The following NXPE4 variants were observed in gnomAD, a reference collection of about 807,000 sequenced individuals.
NXPE4 encodes the protein neurexophilin and PC-esterase domain family member 4, also known as NXPE family member 4.
In NXPE4, 42 loss-of-function variants were observed where a neutral mutation model predicts 33.3. The ratio of observed to expected loss-of-function variants is 1.26; its 90% CI spans 0.98 to 1.63. The LOEUF (loss-of-function observed/expected upper bound fraction) is 1.63. Among genes scored for constraint, NXPE4 ranks in the 40% most tolerant of loss-of-function variants. NXPE4 has a pLI of 0.00. For missense variants in NXPE4, 709 were observed against 647.6 expected, an observed-to-expected ratio of 1.09 and a Z score of -1.03; for synonymous variants, 253 against 234.9, an observed-to-expected ratio of 1.08 and a Z score of -0.71.
the NXPE4 span, among the ~76,000 whole-genome samples, chr11:114,672,235 A>G: frequency 6.6e-6 from 1 of 151,988 alleles, no homozygotes; most frequent in Non-Finnish European, 1.5e-5. Context: ...GAACCAAACC[A>G]TATCACACAC....
At chr11:114,642,157 A>C in the NXPE4 span, among the ~76,000 whole-genome samples, 1 of 152,022 alleles carries the variant, frequency 6.6e-6, no homozygotes, top group African/African-American at 2.4e-5. Context: ...TGAAAATTGT[A>C]ATGTGTACCC....
intron 2 of NXPE4, among the ~76,000 whole-genome samples, chr11:114,587,121 TG>T (rs1949321841): frequency 1.3e-5 from 2 of 152,162 alleles, no homozygotes; most frequent in South Asian, 4.1e-4. Flanking sequence ...TCGCTTTTTT[TG>T]CCCCTCTACA....
chr11:114,644,178 A>G, the NXPE4 span, among the ~76,000 whole-genome samples: 1 of 152,162 alleles, frequency 6.6e-6, no homozygotes, highest in Non-Finnish European at 1.5e-5. Context: ...GGTTTTCTAA[A>G]TATACAATCA....
chr11:114,604,755 C>T, the NXPE4 span, among the ~76,000 whole-genome samples: 1 of 151,694 alleles, frequency 6.6e-6, no homozygotes, highest in Non-Finnish European at 1.5e-5. Context: ...AGTATTGCCT[C>T]ATTGGTAACC....
chr11:114,672,269 A>C, the NXPE4 span, among the ~76,000 whole-genome samples: 2 of 151,968 alleles, frequency 1.3e-5, no homozygotes, highest in African/African-American at 2.4e-5. Flanking sequence ...AGAACATAAA[A>C]ACCATGAATA....
intron 3 of NXPE4, 82 bp from the exon 4 acceptor site, chr11:114,581,868 A>C: frequency 1.1e-6 from 1 of 921,630 alleles, no homozygotes; most frequent in Non-Finnish European, 1.7e-6. Context: ...CCAGTGCCTC[A>C]GTTATTTCTT....
At chr11:114,580,654 G>T (rs1429372432) in intron 4 of NXPE4, among the ~76,000 whole-genome samples, 1 of 152,104 alleles carries the variant, frequency 6.6e-6, no homozygotes, top group Non-Finnish European at 1.5e-5. Flanking sequence ...ATCAATTCTT[G>T]CATAGGAATG....
At chr11:114,616,658 C>G in the NXPE4 span, among the ~76,000 whole-genome samples, 9 of 151,588 alleles carry the variant, frequency 5.9e-5, no homozygotes, top group Non-Finnish European at 2.9e-5. Context: ...TATTGGGTAA[C>G]CACTGTTACC....
intron 2 of NXPE4, among the ~76,000 whole-genome samples, chr11:114,586,174 A>C (rs1210165863): frequency 1.3e-5 from 2 of 152,110 alleles, no homozygotes; most frequent in Non-Finnish European, 2.9e-5. Context: ...TGTGGACCAA[A>C]AGACCCACTT....
chr11:114,627,949 C>G, the NXPE4 span, among the ~76,000 whole-genome samples: 10 of 152,012 alleles, frequency 6.6e-5, no homozygotes, highest in African/African-American at 2.2e-4. Context: ...GTAAAGGGAT[C>G]AACTCAACAA....
the NXPE4 span, among the ~76,000 whole-genome samples, chr11:114,616,667 C>T: frequency 6.6e-6 from 1 of 151,678 alleles, no homozygotes; most frequent in African/African-American, 2.4e-5. Context: ...ACCACTGTTA[C>T]CCGTTGGATA....
the NXPE4 span, among the ~76,000 whole-genome samples, chr11:114,648,279 T>A: frequency 6.6e-6 from 1 of 152,038 alleles, no homozygotes; most frequent in Non-Finnish European, 1.5e-5. Flanking sequence ...GGAGAGCCAA[T>A]GGTGTAGGTT....
chr11:114,632,885 T>A, the NXPE4 span, among the ~76,000 whole-genome samples: 1,028 of 55,890 alleles, frequency 0.018, 46 homozygotes, highest in African/African-American at 0.071. Flanking sequence ...TAATTATATA[T>A]TATATAATTT....
chr11:114,610,702 G>T, the NXPE4 span, among the ~76,000 whole-genome samples: 1 of 151,840 alleles, frequency 6.6e-6, no homozygotes, highest in African/African-American at 2.4e-5. Flanking sequence ...GTTACCCGGT[G>T]GATAATACCT....
chr11:114,570,832 G>T lies in NXPE4; in HGVS notation c.*106C>A. On this transcript the variant is annotated 3_prime_UTR_variant, in exon 6 of 6. Coordinates refer to ENST00000375478, the MANE Select transcript of NXPE4 (RefSeq NM_001077639.2). ...GGATCAGCCATAATGTAGATTCTCT[G>T]CTCTTGCTAGTTGGGAATTCAGAGC... 2 of 715,002 alleles carry T rather than the reference G, an allele frequency of 2.8e-6. No individual in the cohort carries two copies. Among genetic ancestry groups the T allele is most frequent in the Non-Finnish European group, 4.6e-6 (2 of 435,120 alleles). 44.3% of individuals were successfully genotyped at this position (715,002 alleles called of 1,614,324 possible).
At chr11:114,634,544 T>A in the NXPE4 span, among the ~76,000 whole-genome samples, 2 of 152,080 alleles carry the variant, frequency 1.3e-5, no homozygotes, top group African/African-American at 4.8e-5. Flanking sequence ...TGCCCATGCC[T>A]ATGTCCTGAA....
the NXPE4 span, among the ~76,000 whole-genome samples, chr11:114,641,188 A>T: frequency 6.6e-6 from 1 of 152,020 alleles, no homozygotes; most frequent in African/African-American, 2.4e-5. Context: ...TCTCCCAGAA[A>T]TAATCAAGAA....
At chr11:114,588,196 C>G (rs1322870067) in intron 2 of NXPE4, among the ~76,000 whole-genome samples, 2 of 152,158 alleles carry the variant, frequency 1.3e-5, no homozygotes, top group Admixed American at 6.5e-5. Flanking sequence ...TCTGGGGCCC[C>G]CTCCAGCTGT....
intron 5 of NXPE4, among the ~76,000 whole-genome samples, chr11:114,574,623 A>G (rs1186357146): frequency 9.2e-5 from 14 of 152,284 alleles, no homozygotes; most frequent in Non-Finnish European, 2.9e-5. Context: ...CTGGAAATAT[A>G]CAACCCTCCT....
Sources: allele counts gnomAD v4.1 joint callset (sites outside exome capture counted in the v4.1 genomes callset), GRCh38; gene constraint gnomAD v4.1.1; transcripts MANE v1.5; gene names NCBI Gene and HGNC (gene_info 2026-07-23, HGNC 2026-07-21).